Variants in SYNPO2 observed in about 807,000 individuals in gnomAD.
SYNPO2 encodes synaptopodin 2.
SYNPO2 carries 56 observed loss-of-function variants against 85.0 expected under a neutral mutation model. The observed-to-expected ratio is 0.66, with a 90% CI of 0.53 to 0.82. The LOEUF (loss-of-function observed/expected upper bound fraction) is 0.82, where lower values mean the gene tolerates loss of function less well. SYNPO2 is among the 40% of genes least tolerant of loss of function. The pLI is 0.00. For synonymous variants in SYNPO2, 602 were observed against 591.1 expected (o/e 1.02, Z -0.27); for missense variants, 1,575 against 1,534.2 (o/e 1.03, Z -0.44).
intron 1 of SYNPO2, among the ~76,000 whole-genome samples, chr4:118,942,254 G>C (rs1405343202): frequency 1.3e-5 from 2 of 152,118 alleles, no homozygotes; most frequent in African/African-American, 4.8e-5. Flanking sequence ...ACCTATTGTG[G>C]GAAGGTACGT....
intron 1 of SYNPO2, among the ~76,000 whole-genome samples, chr4:118,978,121 A>T (rs183180478): frequency 6.6e-6 from 1 of 152,198 alleles, no homozygotes; most frequent in South Asian, 2.1e-4. Context: ...ATGGCTTATG[A>T]TGTCATAACT....
chr4:118,937,209 A>T (rs1007980067), intron 1 of SYNPO2, among the ~76,000 whole-genome samples: 1 of 152,200 alleles, frequency 6.6e-6, no homozygotes, highest in East Asian at 1.9e-4. Context: ...GGCCCCGCCT[A>T]CATGTCCAAG....
upstream of SYNPO2, among the ~76,000 whole-genome samples, chr4:118,887,884 C>T (rs1210127440): frequency 1.3e-5 from 2 of 152,118 alleles, no homozygotes; most frequent in Non-Finnish European, 2.9e-5. Context: ...CAAACTTTCC[C>T]AGGCTCTTCC....
chr4:119,012,675 G>T (rs530460727), intron 1 of SYNPO2, among the ~76,000 whole-genome samples: 231 of 152,174 alleles, frequency 1.5e-3, no homozygotes, highest in African/African-American at 5.4e-3. Context: ...CTATTAGTTT[G>T]CTGACAATGG....
At chr4:118,890,733 C>CTCTCTCTCTCTCTCTCTCTGTG (rs749295331) in intron 1 of SYNPO2, among the ~76,000 whole-genome samples, 1 of 126,148 alleles carries the variant, frequency 7.9e-6, no homozygotes, top group South Asian at 2.8e-4. Context: ...CTCTCTCTCT[C>CTCTCTCTCTCTCTCTCTCTGTG]TGTGTGTGTG....
chr4:118,932,990 A>C (rs1315013990), intron 1 of SYNPO2, among the ~76,000 whole-genome samples: 1 of 152,202 alleles, frequency 6.6e-6, no homozygotes, highest in Non-Finnish European at 1.5e-5. Flanking sequence ...ACTTGCTAAA[A>C]ATCCATTTTT....
At chr4:118,973,032 A>C (rs1261410535) in intron 1 of SYNPO2, among the ~76,000 whole-genome samples, 1 of 152,200 alleles carries the variant, frequency 6.6e-6, no homozygotes, top group Non-Finnish European at 1.5e-5. Context: ...TTATACATGC[A>C]TTAAATGCAT....
At chr4:118,955,048 A>G (rs1023865325) in intron 1 of SYNPO2, among the ~76,000 whole-genome samples, 2 of 146,332 alleles carry the variant, frequency 1.4e-5, no homozygotes, top group Non-Finnish European at 3.0e-5. Context: ...CACCTAGGCT[A>G]CAGTGTAGTG....
chr4:118,970,484 T>A (rs1735498164), intron 1 of SYNPO2, among the ~76,000 whole-genome samples: 1 of 152,148 alleles, frequency 6.6e-6, no homozygotes, highest in Non-Finnish European at 1.5e-5. Context: ...TCCCTCCAAT[T>A]TTTTTACTAT....
chr4:118,904,363 C>T (rs1298181066), intron 1 of SYNPO2, among the ~76,000 whole-genome samples: 1 of 152,152 alleles, frequency 6.6e-6, no homozygotes, highest in Non-Finnish European at 1.5e-5. Context: ...TGGAAGGGCT[C>T]CTGTAGTCCT....
chr4:118,978,174 C>A (rs2149161231), intron 1 of SYNPO2, among the ~76,000 whole-genome samples: 1 of 152,066 alleles, frequency 6.6e-6, no homozygotes, highest in Non-Finnish European at 1.5e-5. Context: ...CCAGATTTGC[C>A]CATCTAAATT....
chr4:118,953,058 C>T (rs558994692), intron 1 of SYNPO2, among the ~76,000 whole-genome samples: 20 of 152,122 alleles, frequency 1.3e-4, no homozygotes, highest in African/African-American at 4.6e-4. Flanking sequence ...AGAAAGAAAA[C>T]AAGATTATAG....
intron 1 of SYNPO2, among the ~76,000 whole-genome samples, chr4:118,996,989 C>T (rs1452441482): frequency 6.6e-6 from 1 of 151,638 alleles, no homozygotes; most frequent in Non-Finnish European, 1.5e-5. Flanking sequence ...GCCTGTAATC[C>T]CAGCACTTTG....
At chr4:119,019,194 T>C (rs1737627785) in intron 1 of SYNPO2, among the ~76,000 whole-genome samples, 1 of 152,186 alleles carries the variant, frequency 6.6e-6, no homozygotes, top group South Asian at 2.1e-4. Context: ...AACCTTCACA[T>C]GTACCCCTAA....
chr4:118,972,776 C>A (rs1232635467), intron 1 of SYNPO2, among the ~76,000 whole-genome samples: 3 of 152,204 alleles, frequency 2.0e-5, no homozygotes, highest in African/African-American at 7.2e-5. Flanking sequence ...TGACCTTGGG[C>A]AAGCTACAAA....
At chr4:119,004,401 G>T (rs931685772) in intron 1 of SYNPO2, among the ~76,000 whole-genome samples, 1 of 135,580 alleles carries the variant, frequency 7.4e-6, no homozygotes, top group Non-Finnish European at 1.6e-5. Flanking sequence ...AACAGTCCCC[G>T]GTGTGTGATG....
intron 1 of SYNPO2, among the ~76,000 whole-genome samples, chr4:118,977,205 A>G (rs982795519): frequency 1.3e-5 from 2 of 152,222 alleles, no homozygotes; most frequent in Admixed American, 6.5e-5. Flanking sequence ...GTGGGAAGGC[A>G]GCTAAGGCCC....
intron 1 of SYNPO2, among the ~76,000 whole-genome samples, chr4:118,971,089 C>A (rs148114145): frequency 1.3e-5 from 2 of 152,118 alleles, no homozygotes; most frequent in Admixed American, 1.3e-4. Flanking sequence ...TGAGCACCTT[C>A]GCTCCTTCTC....
In SYNPO2 at chr4:119,058,838, G is replaced by A. The variant is rs1297540062; in HGVS notation, c.*904G>A. 1.3e-5 allele frequency: 2 copies of A among 152,032 alleles called. No homozygotes were observed. Among genetic ancestry groups the A allele is most frequent in the Admixed American group, 1.3e-4 (2 of 15,252 alleles). 9.4% of individuals were successfully genotyped at this position (152,032 alleles called of 1,614,324 possible). On this transcript the variant is annotated 3_prime_UTR_variant, in exon 5 of 5. Coordinates refer to ENST00000307142, the MANE Select transcript of SYNPO2 (RefSeq NM_133477.3). ...ATTTTTAAAAAAGAATTAAAATGTGGGAGTTCTCAGAAAGAAATAAACACA... is the reference window on the plus strand; with the variant it reads ...ATTTTTAAAAAAGAATTAAAATGTGAGAGTTCTCAGAAAGAAATAAACACA...
Sources: gnomAD v4.1 joint callset for allele counts (sites outside exome capture counted in the v4.1 genomes callset) on GRCh38, gnomAD v4.1.1 for gene constraint, MANE v1.5 for transcripts, NCBI Gene and HGNC (gene_info 2026-07-23, HGNC 2026-07-21) for gene names.